CTSE: variants seen among roughly 807,000 people sequenced by gnomAD.
CTSE encodes cathepsin E.
CTSE carries 43 observed loss-of-function variants against 42.8 expected under a neutral mutation model. The observed-to-expected ratio is 1.01, with a 90% CI of 0.79 to 1.30. CTSE has a LOEUF of 1.30. CTSE is among the 50% of genes most tolerant of loss of function. The probability of loss-of-function intolerance (pLI) is 0.00; values close to 1 mark genes in which losing one functional copy is unlikely to be tolerated. For missense variants in CTSE, 532 were observed against 493.5 expected (o/e 1.08, Z -0.74); for synonymous variants, 205 against 191.5 (o/e 1.07, Z -0.58).
At chr1:206,017,441 C>T (rs528155882) in intron 4 of CTSE, among the ~76,000 whole-genome samples, 6 of 152,088 alleles carry the variant, frequency 3.9e-5, no homozygotes, top group Admixed American at 1.3e-4. Context: ...ATCTAAAAGG[C>T]TTCCGGTCCC....
chr1:206,013,369 C>T (rs535960867), intron 6 of CTSE, among the ~76,000 whole-genome samples: 48 of 152,140 alleles, frequency 3.2e-4, no homozygotes, highest in African/African-American at 1.2e-3. Flanking sequence ...GGAGCACTGA[C>T]CACCTTCCAT....
In CTSE at chr1:206,023,003, C is replaced by G; in HGVS notation, c.123G>C (p.Gln41His). The change falls in exon 2 of 9, where the codon CAG becomes CAC. Residue 41 changes from glutamine (Q) to histidine (H), a missense_variant. Gln to His is a conservative substitution (Grantham distance 24). Transcript: ENST00000358184. ...TATGGGATTTCCAGAACTCAGAGAG[C>G]TGGCTCCGTGCCCGCAGCTTCTTCT... ...SLKKKLRARS[Q>H]LSEFWKSHNL... 1 of 1,613,192 alleles carries G rather than the reference C, an allele frequency of 6.2e-7. No individual in the cohort carries two copies. The highest frequency in any genetic ancestry group is 8.5e-7 in the Non-Finnish European group (1 of 1,179,446).
At chr1:206,015,755 A>T (rs1448538404) in intron 5 of CTSE, among the ~76,000 whole-genome samples, 176 bp downstream of exon 5, 1 of 152,124 alleles carries the variant, frequency 6.6e-6, no homozygotes, top group Non-Finnish European at 1.5e-5. Context: ...CAGCTACTTG[A>T]TGAAGCAAAT....
chr1:206,012,419 A>G lies in CTSE; in HGVS notation c.928-13T>C. ...ACTCCACAGCATACTAAAACCCAAT[A>G]CGGAGGATCCGTTTAGAGCCTTGCC... is the stretch of plus-strand genomic sequence containing the variant. On this transcript the variant is annotated splice_polypyrimidine_tract_variant and intron_variant, in intron 7 of 8. Coordinates refer to ENST00000358184, the MANE Select transcript of CTSE (RefSeq NM_001910.4). 6.2e-7 allele frequency: 1 copy of G among 1,613,810 alleles called. No individual in the cohort carries two copies. The highest frequency in any genetic ancestry group is 8.5e-7 in the Non-Finnish European group (1 of 1,179,792).
chr1:206,010,108 G>A lies in CTSE; in HGVS notation c.*75C>T, dbSNP rs782772219. On this transcript the variant is annotated 3_prime_UTR_variant, in exon 9 of 9. Coordinates refer to ENST00000358184, the MANE Select transcript of CTSE (RefSeq NM_001910.4). ...TACATTCTCTGGAAAATAACTTTTTGTAGGTGTAAAGAATGCCCCAGCCTA... is the reference window on the plus strand; with the variant it reads ...TACATTCTCTGGAAAATAACTTTTTATAGGTGTAAAGAATGCCCCAGCCTA... The A allele has an allele frequency of 1.3e-6, 2 of 1,573,322 alleles. No homozygotes were observed. Among genetic ancestry groups the A allele is most frequent in the Admixed American group, 3.4e-5 (2 of 58,976 alleles).
chr1:206,013,400 G>T lies in CTSE; in HGVS notation c.785+372C>A, dbSNP rs1571811086. On this transcript the variant is annotated intron_variant, in intron 6 of 8. Transcript: ENST00000358184. Reference sequence around the variant, plus strand: ...TCCATTTTACAGGATAGTGGTTTGGGTGCATCTCATCTTCTGTACAAGTTT... The same window carrying T: ...TCCATTTTACAGGATAGTGGTTTGGTTGCATCTCATCTTCTGTACAAGTTT... 2.0e-5 allele frequency among the ~76,000 whole-genome samples: 3 copies of T among 152,092 alleles called. No homozygotes were observed. The East Asian group carries it at 5.8e-4, about 29-fold the overall frequency.
chr1:206,016,614 A>G (rs1422540521), intron 4 of CTSE, among the ~76,000 whole-genome samples: 2 of 152,060 alleles, frequency 1.3e-5, no homozygotes, highest in Admixed American at 1.3e-4. Flanking sequence ...GAAATGTGAT[A>G]ATGTGTAAGG....
intron 4 of CTSE, among the ~76,000 whole-genome samples, chr1:206,018,287 A>C (rs28770585): frequency 0.22 from 33,109 of 151,856 alleles, 4,165 homozygotes; most frequent in African/African-American, 0.32. Context: ...CCTTGGTATG[A>C]TCTTTTTATA....
Position 206,009,778 on chromosome 1 carries a change from G to A in CTSE, c.*405C>T, listed in dbSNP as rs1661031152. 8 of 226,850 alleles carry A rather than the reference G, an allele frequency of 3.5e-5. No homozygotes were observed. In the South Asian group the frequency reaches 5.1e-4, roughly 15 times the overall value. 14.1% of individuals were successfully genotyped at this position (226,850 alleles called of 1,614,324 possible). On this transcript the variant is annotated 3_prime_UTR_variant, in exon 9 of 9. Transcript: ENST00000358184. ...GCTGGAGAGAGGAGTGGGCAGCAGT[G>A]TAGATAAACAGGCCTGGCCGTGTGT...
intron 3 of CTSE, 55 bp downstream of exon 3, chr1:206,022,095 G>A: frequency 8.0e-7 from 1 of 1,256,742 alleles, no homozygotes; most frequent in Non-Finnish European, 1.1e-6. Flanking sequence ...ACCAGGCTTG[G>A]CCTCCCAGGA....
intron 4 of CTSE, among the ~76,000 whole-genome samples, chr1:206,018,145 C>T (rs113800079): frequency 0.014 from 2,087 of 152,006 alleles, 29 homozygotes; most frequent in African/African-American, 0.017. Context: ...ACTTTCTACT[C>T]CTAGTTTGCT....
Position 206,010,003 on chromosome 1 carries a change from G to GTGTGTGTGTATA in CTSE, c.*168_*179dup, listed in dbSNP as rs1661039454. ...GGAGTGGTGTGTATGTGTGAAGTGT[G>GTGTGTGTGTATA]TGTGTGTGTATATGTGTGTGTGTGT... is the stretch of plus-strand genomic sequence containing the variant. On this transcript the variant is annotated 3_prime_UTR_variant, in exon 9 of 9. Coordinates refer to ENST00000358184, the MANE Select transcript of CTSE (RefSeq NM_001910.4). 1 of 627,100 alleles carries GTGTGTGTGTATA rather than the reference G, an allele frequency of 1.6e-6. No individual in the cohort carries two copies. Among genetic ancestry groups the GTGTGTGTGTATA allele is most frequent in the South Asian group, 1.9e-5 (1 of 51,840 alleles). The allele number at this position is 627,100 out of a possible 1,614,324, so 38.8% of individuals were successfully genotyped here. A position where few individuals can be genotyped will look rare whatever the true frequency, so the allele number is the denominator to read the frequency against.
chr1:206,016,023 G>A lies in CTSE; in HGVS notation c.570C>T (p.Pro190=), dbSNP rs541417683. 6.2e-7 allele frequency: 1 copy of A among 1,613,814 alleles called. No individual in the cohort carries two copies. Among genetic ancestry groups the A allele is most frequent in the Non-Finnish European group, 8.5e-7 (1 of 1,179,802 alleles). The change falls in exon 5 of 9, where the codon CCC becomes CCT. Residue 190 remains proline, a synonymous_variant. Coordinates refer to ENST00000358184, the MANE Select transcript of CTSE (RefSeq NM_001910.4). ...EFDGILGLGY[P]SLAVGGVTPV... is the part of the protein sequence containing the mutation. ...GAGTCACTCCTCCCACAGCCAAGGAGGGGTATCCCAGGCCCAGAATTCCAT... is the reference window on the plus strand; with the variant it reads ...GAGTCACTCCTCCCACAGCCAAGGAAGGGTATCCCAGGCCCAGAATTCCAT...
intron 8 of CTSE, 58 bp from the exon 9 acceptor site, chr1:206,010,405 C>CCTT: frequency 2.0e-6 from 3 of 1,474,410 alleles, no homozygotes; most frequent in Non-Finnish European, 2.8e-6. Context: ...AGTAGTACTG[C>CCTT]CTGGAGGCTG....
At chr1:206,021,352 T>C in intron 3 of CTSE, 185 bp from the exon 4 acceptor site, 1 of 589,248 alleles carries the variant, frequency 1.7e-6, no homozygotes, top group Non-Finnish European at 3.0e-6. Context: ...GCTACAGATG[T>C]GGCCTAACTG....
Position 206,015,980 on chromosome 1 carries a change from T to A in CTSE, c.613A>T (p.Met205Leu). The change falls in exon 5 of 9, where the codon ATG becomes TTG. Residue 205 changes from methionine (M) to leucine (L), a missense_variant. By Grantham distance (15) the Met-to-Leu change is conservative. Transcript: ENST00000358184. Reference protein sequence around the residue: ...GGVTPVFDNMMAQNLVDLPMF... With the variant: ...GGVTPVFDNMLAQNLVDLPMF... ...GGCAAGTCCACCAGGTTCTGAGCCA[T>A]CATGTTGTCAAATACTGGAGTCACT... 1 of 1,613,878 alleles carries A rather than the reference T, an allele frequency of 6.2e-7. No homozygotes were observed. Among genetic ancestry groups the A allele is most frequent in the South Asian group, 1.1e-5 (1 of 91,076 alleles).
intron 6 of CTSE, 141 bp from the exon 7 acceptor site, chr1:206,012,790 T>C: frequency 1.0e-6 from 1 of 968,798 alleles, no homozygotes; most frequent in South Asian, 1.6e-5. Flanking sequence ...TGTTTTCTAC[T>C]GAGATCCATA....
intron 4 of CTSE, among the ~76,000 whole-genome samples, chr1:206,020,585 G>A (rs1470619001): frequency 3.3e-5 from 5 of 152,060 alleles, no homozygotes; most frequent in African/African-American, 1.2e-4. Flanking sequence ...CAGCTCATGA[G>A]CTCAGCACTG....
At chr1:206,022,860 C>G (rs781919447) in intron 2 of CTSE, 41 bp downstream of exon 2, 3 of 1,517,114 alleles carry the variant, frequency 2.0e-6, no homozygotes, top group Non-Finnish European at 1.8e-6. Context: ...GCCTTCCTCC[C>G]GCTCCCACCT....
Sources: gnomAD v4.1 joint callset for allele counts (sites outside exome capture counted in the v4.1 genomes callset) on GRCh38, gnomAD v4.1.1 for gene constraint, MANE v1.5 for transcripts, NCBI Gene and HGNC (gene_info 2026-07-23, HGNC 2026-07-21) for gene names.